PAX5: variants seen among roughly 807,000 people sequenced by gnomAD.
PAX5 encodes the protein paired box protein Pax-5.
Under a neutral mutation model 43.7 loss-of-function variants are expected in PAX5, and 9 were observed. The observed-to-expected ratio is 0.21, with a 90% CI of 0.12 to 0.36. The LOEUF is 0.36. Among genes scored for constraint, PAX5 ranks in the 10% least tolerant of loss-of-function variants. The pLI is 1.00. For synonymous variants in PAX5, 228 were observed against 214.3 expected (o/e 1.06, Z -0.56); for missense variants, 383 against 532.7 (o/e 0.72, Z 2.77).
chr9:36,977,330 A>G (rs1343328904), intron 5 of PAX5, among the ~76,000 whole-genome samples: 1 of 151,556 alleles, frequency 6.6e-6, no homozygotes, highest in Non-Finnish European at 1.5e-5. Flanking sequence ...GAGGGAAGAA[A>G]AAAAAGAGTA....
chr9:36,941,478 G>C (rs76926227), intron 6 of PAX5, among the ~76,000 whole-genome samples: 7 of 152,120 alleles, frequency 4.6e-5, no homozygotes, highest in Non-Finnish European at 8.8e-5. Context: ...CCAGTATGCC[G>C]GGCGTGAATC....
chr9:36,914,364 C>T (rs574324697), intron 7 of PAX5, among the ~76,000 whole-genome samples: 47 of 152,282 alleles, frequency 3.1e-4, no homozygotes, highest in African/African-American at 1.1e-3. Context: ...GGTTCCTCAC[C>T]TATTTGTAAA....
intron 6 of PAX5, among the ~76,000 whole-genome samples, chr9:36,964,594 CAAAAAAA>C (rs745521933): frequency 1.0e-4 from 5 of 49,660 alleles, no homozygotes; most frequent in African/African-American, 1.4e-4. Flanking sequence ...CTCCAGCTCA[CAAAAAAA>C]AAAAAAAAAA....
intron 7 of PAX5, among the ~76,000 whole-genome samples, chr9:36,904,281 T>C (rs10973122): frequency 0.14 from 21,201 of 151,944 alleles, 1,938 homozygotes; most frequent in African/African-American, 0.26. Context: ...GGGGAAGAGC[T>C]CCCTAGTCCC....
chr9:36,868,235 C>T (rs1825090392), intron 8 of PAX5, among the ~76,000 whole-genome samples: 1 of 152,226 alleles, frequency 6.6e-6, no homozygotes, highest in Non-Finnish European at 1.5e-5. Flanking sequence ...CCCTAACTTG[C>T]CCTGGACTCT....
intron 3 of PAX5, among the ~76,000 whole-genome samples, chr9:37,009,168 A>G (rs924274116): frequency 6.6e-6 from 1 of 152,246 alleles, no homozygotes; most frequent in Non-Finnish European, 1.5e-5. Flanking sequence ...AGTTATAAAT[A>G]TCACTGGGAA....
At position 36,836,772 on chromosome 9, in the gene PAX5, C is replaced by G. The variant is rs2000881; in HGVS notation, c.*3788G>C. ...CAGGCCTGGAGCCTGTTCCAAAGTG[C>G]GAAGGCAAAGAAAGGGAAGTGGGGG... On this transcript the variant is annotated 3_prime_UTR_variant, in exon 10 of 10. Coordinates refer to ENST00000358127, the MANE Select transcript of PAX5 (RefSeq NM_016734.3). 228,831 of 232,388 alleles carry G rather than the reference C, an allele frequency of 0.98. 112,750 individuals are homozygous for G. Among genetic ancestry groups the G allele is most frequent in the East Asian group, 1 (16,454 of 16,454 alleles). The allele number at this position is 232,388 out of a possible 1,614,324, so 14.4% of individuals were successfully genotyped here.
At chr9:36,995,499 A>C (rs1837317338) in intron 5 of PAX5, among the ~76,000 whole-genome samples, 1 of 152,102 alleles carries the variant, frequency 6.6e-6, no homozygotes, top group African/African-American at 2.4e-5. Context: ...CCCCATGGGG[A>C]GATAAGACTG....
At chr9:37,014,094 C>A (rs1219389477) in intron 3 of PAX5, among the ~76,000 whole-genome samples, 1 of 152,170 alleles carries the variant, frequency 6.6e-6, no homozygotes, top group Non-Finnish European at 1.5e-5. Flanking sequence ...GTTTAGAGAA[C>A]CATCATTTCT....
intron 5 of PAX5, among the ~76,000 whole-genome samples, chr9:36,989,660 G>A (rs1250627892): frequency 2.0e-5 from 3 of 152,168 alleles, no homozygotes; most frequent in South Asian, 2.1e-4. Context: ...TGTAGATCAC[G>A]AAAGAGCTCC....
chr9:36,975,738 G>T (rs80338289), intron 5 of PAX5, among the ~76,000 whole-genome samples: 1 of 152,136 alleles, frequency 6.6e-6, no homozygotes, highest in Non-Finnish European at 1.5e-5. Flanking sequence ...TGTAGAGTGG[G>T]ATAATAATAG....
chr9:36,902,037 C>T (rs1229505384), intron 7 of PAX5, among the ~76,000 whole-genome samples: 1 of 152,150 alleles, frequency 6.6e-6, no homozygotes, highest in East Asian at 1.9e-4. Context: ...CCATCCCCTC[C>T]CTAGACCAGG....
At chr9:36,980,702 C>A (rs374683222) in intron 5 of PAX5, among the ~76,000 whole-genome samples, 201 of 152,220 alleles carry the variant, frequency 1.3e-3, no homozygotes, top group African/African-American at 4.8e-3. Flanking sequence ...CGAGTGGGAG[C>A]CCTCAGCCAG....
intron 5 of PAX5, 43 bp from the exon 6 acceptor site, chr9:36,966,767 A>G (rs1379513457): frequency 4.4e-6 from 7 of 1,575,662 alleles, no homozygotes; most frequent in Non-Finnish European, 5.2e-6. Flanking sequence ...GAGGTTATAC[A>G]CGTTGCTAAA....
intron 3 of PAX5, among the ~76,000 whole-genome samples, chr9:37,011,624 G>C (rs1838938979): frequency 6.6e-6 from 1 of 152,176 alleles, no homozygotes; most frequent in African/African-American, 2.4e-5. Flanking sequence ...GAAGTCAAAT[G>C]AACAAGGTGA....
At chr9:36,925,450 G>C (rs1385903389) in intron 6 of PAX5, among the ~76,000 whole-genome samples, 3 of 152,110 alleles carry the variant, frequency 2.0e-5, no homozygotes, top group South Asian at 2.1e-4. Flanking sequence ...TTGGCACAGG[G>C]GTAGATAAAT....
chr9:36,998,333 C>A (rs1837565872), intron 5 of PAX5, among the ~76,000 whole-genome samples: 1 of 152,188 alleles, frequency 6.6e-6, no homozygotes, highest in African/African-American at 2.4e-5. Flanking sequence ...ACTGGCCTAA[C>A]AATATTCTAG....
intron 8 of PAX5, among the ~76,000 whole-genome samples, chr9:36,873,020 C>T (rs905573090): frequency 1.3e-5 from 2 of 152,232 alleles, no homozygotes; most frequent in African/African-American, 4.8e-5. Context: ...TCCCCTGGGG[C>T]TTCTCACGCA....
intron 1 of PAX5, among the ~76,000 whole-genome samples, chr9:37,025,533 G>A (rs1344978194): frequency 6.6e-6 from 1 of 152,196 alleles, no homozygotes; most frequent in East Asian, 1.9e-4. Flanking sequence ...CGAGGCTGCC[G>A]AAGCCTGTCA....
Sources: allele counts gnomAD v4.1 joint callset (sites outside exome capture counted in the v4.1 genomes callset), GRCh38; gene constraint gnomAD v4.1.1; transcripts MANE v1.5; gene names NCBI Gene and HGNC (gene_info 2026-07-23, HGNC 2026-07-21).